LRP1B: variants seen among roughly 807,000 people sequenced by gnomAD.
The protein encoded by LRP1B is LDL receptor related protein 1B, also known as low-density lipoprotein receptor-related protein 1B.
Under a neutral mutation model 556.6 loss-of-function variants are expected in LRP1B, and 217 were observed. The observed-to-expected ratio is 0.39, with a 90% CI of 0.35 to 0.44. The LOEUF (loss-of-function observed/expected upper bound fraction) is 0.44. LRP1B is among the 20% of genes least tolerant of loss of function. The pLI is 1.00. For synonymous variants in LRP1B, 2,047 were observed against 1,865.8 expected (o/e 1.10, Z -2.50); for missense variants, 5,053 against 5,620.8 (o/e 0.90, Z 3.23).
intron 23 of LRP1B, among the ~76,000 whole-genome samples, chr2:140,897,365 C>T (rs1693983792): frequency 6.6e-6 from 1 of 152,154 alleles, no homozygotes; most frequent in Non-Finnish European, 1.5e-5. Flanking sequence ...TAACCATAAC[C>T]TGTCTTTCCC....
chr2:140,674,871 C>T (rs947931047), intron 41 of LRP1B, among the ~76,000 whole-genome samples: 1 of 152,212 alleles, frequency 6.6e-6, no homozygotes, highest in African/African-American at 2.4e-5. Context: ...TTTCTTGATG[C>T]TGTTGTAACA....
chr2:141,439,355 G>C (rs1680875874), intron 3 of LRP1B, among the ~76,000 whole-genome samples: 1 of 151,998 alleles, frequency 6.6e-6, no homozygotes, highest in African/African-American at 2.4e-5. Context: ...TGTTTCTGAA[G>C]TGAAATGAAT....
At chr2:141,048,529 G>A (rs1439494304) in intron 11 of LRP1B, among the ~76,000 whole-genome samples, 1 of 152,040 alleles carries the variant, frequency 6.6e-6, no homozygotes, top group Non-Finnish European at 1.5e-5. Flanking sequence ...TCATTTCAGT[G>A]ATGTGTAAAG....
intron 3 of LRP1B, among the ~76,000 whole-genome samples, chr2:141,405,194 T>C (rs940988019): frequency 6.6e-6 from 1 of 152,228 alleles, no homozygotes; most frequent in African/African-American, 2.4e-5. Flanking sequence ...TTTATTATAG[T>C]AGTAAAAATT....
At chr2:140,997,930 A>C (rs375526318) in intron 15 of LRP1B, among the ~76,000 whole-genome samples, 1 of 152,054 alleles carries the variant, frequency 6.6e-6, no homozygotes, top group African/African-American at 2.4e-5. Flanking sequence ...TGAGCAGCCA[A>C]CCTAAGTGGT....
intron 7 of LRP1B, among the ~76,000 whole-genome samples, chr2:141,107,141 T>A (rs1281825702): frequency 6.6e-6 from 1 of 152,042 alleles, no homozygotes; most frequent in African/African-American, 2.4e-5. Context: ...ATAAAAAAAA[T>A]AAAGAATAGG....
At chr2:141,761,640 T>C (rs959526841) in intron 2 of LRP1B, among the ~76,000 whole-genome samples, 6 of 152,188 alleles carry the variant, frequency 3.9e-5, no homozygotes, top group Admixed American at 2.0e-4. Context: ...GCATACCTGT[T>C]GGACACTGAA....
At chr2:142,018,998 T>C (rs1703245181) in intron 1 of LRP1B, among the ~76,000 whole-genome samples, 1 of 152,230 alleles carries the variant, frequency 6.6e-6, no homozygotes, top group South Asian at 2.1e-4. Flanking sequence ...ATAGCTCTCA[T>C]ATCACTGGTT....
intron 2 of LRP1B, among the ~76,000 whole-genome samples, chr2:141,700,973 CA>C (rs1332341301): frequency 6.6e-6 from 1 of 151,742 alleles, no homozygotes; most frequent in Non-Finnish European, 1.5e-5. Context: ...ATTTTGATAT[CA>C]TATCTCCTCA....
chr2:140,485,929 A>C lies in LRP1B; in HGVS notation c.9244-405T>G, dbSNP rs112440247. ...CTTTAACCAGTTTGGGAGAGATAAC[A>C]GTAGCATTCCTCACTCTCTCTACTG... On this transcript the variant is annotated intron_variant, in intron 58 of 90. Transcript: ENST00000389484. Among the ~76,000 whole-genome samples the C allele has an allele frequency of 4.9e-3, 738 of 151,460 alleles. 8 individuals carry two copies. The highest frequency in any genetic ancestry group is 0.015 in the African/African-American group (631 of 41,380).
chr2:140,941,769 A>G (rs1695410336), intron 20 of LRP1B, among the ~76,000 whole-genome samples: 1 of 152,162 alleles, frequency 6.6e-6, no homozygotes, highest in African/African-American at 2.4e-5. Context: ...GAGGGAAAAG[A>G]GAATATAAAA....
rs1707236804 is a variant in LRP1B, at chr2:142,115,790, C to CATATATATGTAATATATATG, written c.82+14857_82+14858insCATATATATTACATATATAT. 3.5e-4 allele frequency among the ~76,000 whole-genome samples: 2 copies of CATATATATGTAATATATATG among 5,732 alleles called. 1 individual carries two copies. The allele number at this position is 5,732 out of a possible 152,430, so 3.8% of individuals were successfully genotyped here. ...TATATCATATATATGTAATATATAT[C>CATATATATGTAATATATATG]ATATATATGTAATATATATCATATA... is the stretch of plus-strand genomic sequence containing the variant. On this transcript the variant is annotated intron_variant, in intron 1 of 90. Coordinates refer to ENST00000389484, the MANE Select transcript of LRP1B (RefSeq NM_018557.3).
intron 10 of LRP1B, among the ~76,000 whole-genome samples, chr2:141,051,264 G>A (rs935980538): frequency 2.0e-5 from 3 of 151,892 alleles, no homozygotes; most frequent in African/African-American, 4.8e-5. Flanking sequence ...TTACTCAGCA[G>A]TCCCATTACT....
intron 6 of LRP1B, among the ~76,000 whole-genome samples, chr2:141,227,045 A>G (rs963570866): frequency 2.6e-5 from 4 of 152,152 alleles, no homozygotes; most frequent in Non-Finnish European, 1.5e-5. Context: ...TAACAACAAC[A>G]ACAACAACAA....
At chr2:141,426,814 C>G (rs1269666619) in intron 3 of LRP1B, among the ~76,000 whole-genome samples, 2 of 152,164 alleles carry the variant, frequency 1.3e-5, no homozygotes, top group African/African-American at 2.4e-5. Context: ...ATCTGGTTTA[C>G]ACAGAACTTT....
chr2:140,769,217 A>G lies in LRP1B; in HGVS notation c.5754T>C (p.His1918=), dbSNP rs775879434. The change falls in exon 35 of 91, where the codon CAT becomes CAC. Residue 1918 remains histidine (H), a synonymous_variant. Coordinates refer to ENST00000389484, the MANE Select transcript of LRP1B (RefSeq NM_018557.3). ...TATGACTAAAAAGCTATTTACCTGC[A>G]TGGAAATCTATTCCCACGGCAAATG... ...GTSFAVGIDF[H]AENDTIYWTD... 5.6e-6 allele frequency: 9 copies of G among 1,611,452 alleles called. No homozygotes were observed. Among genetic ancestry groups the G allele is most frequent in the Non-Finnish European group, 6.8e-6 (8 of 1,178,240 alleles).
Position 141,024,405 on chromosome 2 carries a change from T to A in LRP1B, c.1790-4303A>T, listed in dbSNP as rs149348966. Among the ~76,000 whole-genome samples, 34 of 152,126 alleles carry A rather than the reference T, an allele frequency of 2.2e-4. No individual in the cohort carries two copies. In the East Asian group the frequency reaches 6.0e-3, roughly 27 times the overall value. On this transcript the variant is annotated intron_variant, in intron 11 of 90. Coordinates refer to ENST00000389484, the MANE Select transcript of LRP1B (RefSeq NM_018557.3). ...ATGTAGAGTGCATATAAGGGTCTTATTTTCCAGAATAAACAGAATATATTA... is the reference window on the plus strand; with the variant it reads ...ATGTAGAGTGCATATAAGGGTCTTAATTTCCAGAATAAACAGAATATATTA...
intron 2 of LRP1B, among the ~76,000 whole-genome samples, chr2:141,577,542 G>A (rs781734770): frequency 1.4e-4 from 21 of 152,170 alleles, no homozygotes; most frequent in Non-Finnish European, 2.8e-4. Flanking sequence ...ACCGTACCAT[G>A]ACACAAGTAA....
chr2:141,498,356 C>CTTTTTTTTTTTT (rs67454706), intron 2 of LRP1B, among the ~76,000 whole-genome samples: 1 of 144,090 alleles, frequency 6.9e-6, no homozygotes, highest in Non-Finnish European at 1.5e-5. Context: ...CTTTAAAATC[C>CTTTTTTTTTTTT]TTTTTTTTTT....
Sources: gnomAD v4.1 joint callset for allele counts (sites outside exome capture counted in the v4.1 genomes callset) on GRCh38, gnomAD v4.1.1 for gene constraint, MANE v1.5 for transcripts, NCBI Gene and HGNC (gene_info 2026-07-23, HGNC 2026-07-21) for gene names.